ANO3: variants seen among roughly 807,000 people sequenced by gnomAD.
ANO3 encodes anoctamin-3.
In ANO3, 99 loss-of-function variants were observed where a neutral mutation model predicts 144.8. That is an observed-to-expected ratio of 0.68 (90% CI 0.58 to 0.81). The LOEUF is 0.81. Among genes scored for constraint, ANO3 ranks in the 30% least tolerant of loss-of-function variants. ANO3 has a pLI of 0.00. For missense variants in ANO3, 905 were observed against 1,202.2 expected (o/e 0.75, Z 3.66); for synonymous variants, 414 against 392.6 (o/e 1.05, Z -0.64).
At chr11:26,359,974 TATA>T in intron 1 of ANO3, among the ~76,000 whole-genome samples, 1 of 102,956 alleles carries the variant, frequency 9.7e-6, no homozygotes, top group Admixed American at 1.1e-4. Context: ...ACATAAATTT[TATA>T]TTTATATGTA....
chr11:26,627,321 C>T (rs1852619674), intron 18 of ANO3, among the ~76,000 whole-genome samples: 2 of 151,646 alleles, frequency 1.3e-5, no homozygotes, highest in Admixed American at 6.6e-5. Context: ...TCCTCCTCTT[C>T]CCCCTCATTC....
At chr11:26,642,702 A>T (rs72881737) in intron 22 of ANO3, among the ~76,000 whole-genome samples, 3,696 of 152,224 alleles carry the variant, frequency 0.024, 55 homozygotes, top group Middle Eastern at 0.041. Flanking sequence ...CACGCAAAGC[A>T]ATAATTATTT....
At chr11:26,559,656 A>G (rs781538559) in intron 13 of ANO3, 63 bp from the exon 14 acceptor site, 29 of 1,141,594 alleles carry the variant, frequency 2.5e-5, no homozygotes, top group Non-Finnish European at 3.5e-5. Flanking sequence ...GAGTGCAAAC[A>G]GTATTCACTG....
intron 4 of ANO3, among the ~76,000 whole-genome samples, chr11:26,465,143 TGTGTGTG>T (rs1859553250): frequency 6.7e-6 from 1 of 148,902 alleles, no homozygotes; most frequent in African/African-American, 2.5e-5. Flanking sequence ...TGTGTGTGTG[TGTGTGTG>T]TGTGTGTGTG....
chr11:26,340,997 T>C (rs1855342877), intron 1 of ANO3, among the ~76,000 whole-genome samples: 1 of 152,180 alleles, frequency 6.6e-6, no homozygotes, highest in East Asian at 1.9e-4. Flanking sequence ...CCAAATGCTG[T>C]CAATTCTTTA....
intron 3 of ANO3, among the ~76,000 whole-genome samples, chr11:26,447,256 A>G (rs1228955639): frequency 6.6e-6 from 1 of 150,706 alleles, no homozygotes; most frequent in Non-Finnish European, 1.5e-5. Context: ...TTATGGCATA[A>G]TGATGGCACG....
At chr11:26,314,608 T>A (rs1467192007) in intron 1 of ANO3, among the ~76,000 whole-genome samples, 2 of 152,142 alleles carry the variant, frequency 1.3e-5, no homozygotes, top group African/African-American at 2.4e-5. Flanking sequence ...TCTTTCTTTG[T>A]CTTCTTCTGT....
intron 18 of ANO3, among the ~76,000 whole-genome samples, chr11:26,629,459 T>C (rs543884438): frequency 4.9e-4 from 75 of 152,152 alleles, no homozygotes; most frequent in Admixed American, 1.4e-3. Context: ...CGGCCAAGAA[T>C]TGAATGTACT....
At chr11:26,189,325 C>T (rs927231155) in exon 1 of ANO3, 28 of 985,034 alleles carry the variant, frequency 2.8e-5, no homozygotes, top group Non-Finnish European at 3.1e-5. Flanking sequence ...AGTTCTGTCC[C>T]GACTGGTAAG....
chr11:26,271,774 T>C (rs1317481742), intron 1 of ANO3, among the ~76,000 whole-genome samples: 1 of 152,044 alleles, frequency 6.6e-6, no homozygotes, highest in Non-Finnish European at 1.5e-5. Context: ...GTAAATATTC[T>C]TTCCGCCTAG....
chr11:26,628,122 C>T (rs1852653152), intron 18 of ANO3, among the ~76,000 whole-genome samples: 1 of 151,878 alleles, frequency 6.6e-6, no homozygotes, highest in South Asian at 2.1e-4. Flanking sequence ...ACTTTGGTTT[C>T]CTGGTTTTTG....
At chr11:26,358,227 A>T (rs1182637447) in intron 1 of ANO3, among the ~76,000 whole-genome samples, 1 of 133,864 alleles carries the variant, frequency 7.5e-6, no homozygotes, top group Non-Finnish European at 1.5e-5. Context: ...GCTGGAGTGC[A>T]GCGGCGCCAT....
At chr11:26,348,395 T>C (rs1855549893) in intron 1 of ANO3, among the ~76,000 whole-genome samples, 1 of 152,170 alleles carries the variant, frequency 6.6e-6, no homozygotes, top group Non-Finnish European at 1.5e-5. Context: ...TCTGAGACAT[T>C]AATGCCATGC....
At chr11:26,572,114 GC>G in intron 14 of ANO3, 1 of 985,332 alleles carries the variant, frequency 1.0e-6, no homozygotes, top group South Asian at 4.7e-5. Flanking sequence ...AATCTGTCGT[GC>G]ATTAGAGAAA....
chr11:26,465,316 ATAGT>A (rs1202908237), intron 4 of ANO3, among the ~76,000 whole-genome samples: 6 of 150,950 alleles, frequency 4.0e-5, no homozygotes, highest in African/African-American at 1.2e-4. Flanking sequence ...AGATAGATAG[ATAGT>A]TAAATTATAT....
chr11:26,238,642 G>A (rs1852586413), intron 1 of ANO3, among the ~76,000 whole-genome samples: 1 of 151,994 alleles, frequency 6.6e-6, no homozygotes, highest in Non-Finnish European at 1.5e-5. Context: ...CCCTTGAGTA[G>A]ATTATATTCT....
At chr11:26,306,901 A>G (rs1482183086), upstream of ANO3, among the ~76,000 whole-genome samples, 2 of 152,068 alleles carry the variant, frequency 1.3e-5, no homozygotes, top group Non-Finnish European at 2.9e-5. Context: ...TTCTTTTGTA[A>G]TGTTACCCAT....
At chr11:26,264,217 G>T (rs968045474) in intron 1 of ANO3, among the ~76,000 whole-genome samples, 1 of 152,154 alleles carries the variant, frequency 6.6e-6, no homozygotes, top group Non-Finnish European at 1.5e-5. Context: ...ACTACAACAT[G>T]TAGCTTCAAT....
intron 1 of ANO3, among the ~76,000 whole-genome samples, chr11:26,413,573 T>C (rs961995678): frequency 1.3e-5 from 2 of 152,050 alleles, no homozygotes; most frequent in Admixed American, 1.3e-4. Context: ...TTTAAAATTT[T>C]CTAAAAATAA....
Sources: gnomAD v4.1 joint callset for allele counts (sites outside exome capture counted in the v4.1 genomes callset) on GRCh38, gnomAD v4.1.1 for gene constraint, MANE v1.5 for transcripts, NCBI Gene and HGNC (gene_info 2026-07-23, HGNC 2026-07-21) for gene names.